Variants in KCNJ6 observed in about 807,000 individuals in gnomAD.
KCNJ6 encodes potassium inwardly rectifying channel subfamily J member 6, also known as G protein-activated inward rectifier potassium channel 2.
KCNJ6 carries 9 observed loss-of-function variants against 34.2 expected under a neutral mutation model. The ratio of observed to expected loss-of-function variants is 0.26; its 90% CI spans 0.16 to 0.46. The LOEUF (loss-of-function observed/expected upper bound fraction) is 0.46. KCNJ6 is among the 20% of genes least tolerant of loss of function. The pLI is 1.00. For synonymous variants in KCNJ6, 196 were observed against 207.1 expected (o/e 0.95, Z 0.46); for missense variants, 236 against 531.3 (o/e 0.44, Z 5.46).
At chr21:37,782,280 T>G (rs771447607) in intron 2 of KCNJ6, among the ~76,000 whole-genome samples, 2 of 152,170 alleles carry the variant, frequency 1.3e-5, no homozygotes, top group African/African-American at 2.4e-5. Flanking sequence ...GACACCTTCA[T>G]CTTAGGACTT....
chr21:37,834,115 C>A (rs1400969624), intron 2 of KCNJ6, among the ~76,000 whole-genome samples: 5 of 152,168 alleles, frequency 3.3e-5, no homozygotes, highest in Non-Finnish European at 5.9e-5. Flanking sequence ...TTCTTTCATC[C>A]GTGTATGCCC....
intron 2 of KCNJ6, among the ~76,000 whole-genome samples, chr21:37,823,388 A>G (rs956227225): frequency 2.0e-5 from 3 of 152,172 alleles, no homozygotes; most frequent in African/African-American, 7.2e-5. Flanking sequence ...GTGGAATCTA[A>G]AGAGTCCAAC....
At chr21:37,763,184 T>C (rs8132375) in intron 2 of KCNJ6, among the ~76,000 whole-genome samples, 28,977 of 152,102 alleles carry the variant, frequency 0.19, 3,389 homozygotes, top group East Asian at 0.29. Context: ...GTGCCTTTCC[T>C]GGGGCCAGAC....
intron 2 of KCNJ6, among the ~76,000 whole-genome samples, chr21:37,718,868 AAAAC>A (rs1233970805): frequency 3.3e-5 from 5 of 152,200 alleles, no homozygotes; most frequent in Non-Finnish European, 5.9e-5. Flanking sequence ...CAAAAATTTC[AAAAC>A]AAACAGAAAA....
intron 2 of KCNJ6, among the ~76,000 whole-genome samples, chr21:37,829,966 C>T (rs2055417506): frequency 6.6e-6 from 1 of 152,232 alleles, no homozygotes; most frequent in South Asian, 2.1e-4. Context: ...ATGACACTCT[C>T]GTTCCATGTT....
At chr21:37,823,582 T>G (rs1020444421) in intron 2 of KCNJ6, among the ~76,000 whole-genome samples, 2 of 152,164 alleles carry the variant, frequency 1.3e-5, no homozygotes, top group African/African-American at 4.8e-5. Context: ...TTATAAGTGT[T>G]TGACATTTCC....
At chr21:37,772,378 A>G (rs945330489) in intron 2 of KCNJ6, among the ~76,000 whole-genome samples, 1 of 152,156 alleles carries the variant, frequency 6.6e-6, no homozygotes, top group Non-Finnish European at 1.5e-5. Flanking sequence ...ACACACATGC[A>G]TGCATATTTA....
chr21:37,623,645 C>T lies in KCNJ6; in HGVS notation c.*1514G>A, dbSNP rs936786999. ...TCCTCCCTCCCTTCCTCCCTTCTTTCCTTTTTGCAGATTAAAGTGAATTAA... is the reference window on the plus strand; with the variant it reads ...TCCTCCCTCCCTTCCTCCCTTCTTTTCTTTTTGCAGATTAAAGTGAATTAA... On this transcript the variant is annotated 3_prime_UTR_variant, in exon 4 of 4. Coordinates refer to ENST00000609713, the MANE Select transcript of KCNJ6 (RefSeq NM_002240.5). 2.0e-5 allele frequency: 3 copies of T among 152,146 alleles called. No homozygotes were observed. Among genetic ancestry groups the T allele is most frequent in the Admixed American group, 6.5e-5 (1 of 15,270 alleles). The allele number at this position is 152,146 out of a possible 1,614,324, so 9.4% of individuals were successfully genotyped here.
intron 3 of KCNJ6, among the ~76,000 whole-genome samples, chr21:37,672,099 C>T (rs967676047): frequency 6.6e-6 from 1 of 151,938 alleles, no homozygotes; most frequent in African/African-American, 2.4e-5. Flanking sequence ...CATTCTCTAC[C>T]TGTAGTCTAG....
At chr21:37,778,502 G>A (rs117416181) in intron 2 of KCNJ6, among the ~76,000 whole-genome samples, 4,180 of 152,126 alleles carry the variant, frequency 0.027, 81 homozygotes, top group Non-Finnish European at 0.044. Context: ...TTTTGCAATG[G>A]AAGATAACTT....
intron 2 of KCNJ6, among the ~76,000 whole-genome samples, chr21:37,764,157 T>C (rs1301338272): frequency 1.3e-5 from 2 of 152,142 alleles, no homozygotes; most frequent in African/African-American, 4.8e-5. Flanking sequence ...TCTTGGACTA[T>C]GGTGAGTGAG....
intron 1 of KCNJ6, among the ~76,000 whole-genome samples, chr21:37,869,886 A>G (rs2055641598): frequency 6.6e-6 from 1 of 152,216 alleles, no homozygotes; most frequent in African/African-American, 2.4e-5. Flanking sequence ...AGGACTTGGC[A>G]GCTAAAAGGA....
chr21:37,913,247 T>G (rs1035656324), intron 1 of KCNJ6, among the ~76,000 whole-genome samples: 3 of 152,228 alleles, frequency 2.0e-5, no homozygotes, highest in Non-Finnish European at 4.4e-5. Context: ...CCTGTATGAA[T>G]GTTGAAATGG....
intron 2 of KCNJ6, among the ~76,000 whole-genome samples, chr21:37,759,037 T>C (rs995192139): frequency 6.6e-6 from 1 of 152,206 alleles, no homozygotes; most frequent in East Asian, 1.9e-4. Context: ...CCCAAGGCCA[T>C]TGCTTTTAAG....
At position 37,916,429 on chromosome 21, in the gene KCNJ6, A is replaced by C. The variant is rs1011144240; in HGVS notation, c.-573T>G. Reference sequence around the variant, plus strand: ...ACTGGCTGAGCCCCGCTGGCAGCGCACGAAGCGACGCGGCTCCGAGATAAA... The same window carrying C: ...ACTGGCTGAGCCCCGCTGGCAGCGCCCGAAGCGACGCGGCTCCGAGATAAA... On this transcript the variant is annotated 5_prime_UTR_variant, in exon 1 of 4. Coordinates refer to ENST00000609713, the MANE Select transcript of KCNJ6 (RefSeq NM_002240.5). The C allele has an allele frequency of 6.6e-6, 1 of 152,146 alleles. No homozygotes were observed. The highest frequency in any genetic ancestry group is 2.4e-5 in the African/African-American group (1 of 41,398). The allele number at this position is 152,146 out of a possible 1,614,324, so 9.4% of individuals were successfully genotyped here.
Position 37,612,827 on chromosome 21 carries a change from A to G in KCNJ6, c.*12332T>C, listed in dbSNP as rs1316624997. ...CAGATCTAATGTAAAATGCAAAACT[A>G]TACAACTCCTAGAAGGTAACATATA... On this transcript the variant is annotated 3_prime_UTR_variant, in exon 4 of 4. Transcript: ENST00000609713. 3.5e-5 allele frequency: 5 copies of G among 143,270 alleles called. No homozygotes were observed. The highest frequency in any genetic ancestry group is 7.8e-5 in the Non-Finnish European group (5 of 64,380). 8.9% of individuals were successfully genotyped at this position (143,270 alleles called of 1,614,324 possible). A position where few individuals can be genotyped will look rare whatever the true frequency, so the allele number is the denominator to read the frequency against.
intron 3 of KCNJ6, among the ~76,000 whole-genome samples, chr21:37,639,793 C>T (rs975534901): frequency 1.3e-5 from 2 of 152,142 alleles, no homozygotes; most frequent in Non-Finnish European, 2.9e-5. Context: ...GGCAGATTTT[C>T]CTCTTTGGTG....
chr21:37,710,541 C>T (rs913278483), intron 3 of KCNJ6, among the ~76,000 whole-genome samples: 3 of 152,206 alleles, frequency 2.0e-5, no homozygotes, highest in African/African-American at 7.2e-5. Flanking sequence ...CTCATCCTTG[C>T]CAGCACATTT....
At chr21:37,876,302 G>A (rs945777604) in intron 1 of KCNJ6, among the ~76,000 whole-genome samples, 4 of 152,092 alleles carry the variant, frequency 2.6e-5, no homozygotes, top group African/African-American at 4.8e-5. Context: ...GCTAACTGAC[G>A]GTTTCAGGGG....
Sources: allele counts gnomAD v4.1 joint callset (sites outside exome capture counted in the v4.1 genomes callset), GRCh38; gene constraint gnomAD v4.1.1; transcripts MANE v1.5; gene names NCBI Gene and HGNC (gene_info 2026-07-23, HGNC 2026-07-21).